NCAM2: variants seen among roughly 807,000 people sequenced by gnomAD.
NCAM2 encodes N-CAM-2.
A neutral mutation model predicts 98.1 loss-of-function variants in NCAM2; 30 were observed. The observed-to-expected ratio is 0.31, with a 90% CI of 0.23 to 0.41. The LOEUF (loss-of-function observed/expected upper bound fraction) is 0.41. Among genes scored for constraint, NCAM2 ranks in the 10% least tolerant of loss-of-function variants. The pLI is 1.00. For missense variants in NCAM2, 867 were observed against 1,005.8 expected (o/e 0.86, Z 1.87); for synonymous variants, 368 against 342.4 (o/e 1.07, Z -0.83).
intron 1 of NCAM2, among the ~76,000 whole-genome samples, chr21:21,008,770 T>G (rs974161152): frequency 5.3e-5 from 8 of 152,160 alleles, no homozygotes; most frequent in Admixed American, 2.0e-4. Context: ...TAATTGGAGA[T>G]CTACCTTTTG....
intron 5 of NCAM2, among the ~76,000 whole-genome samples, chr21:21,310,011 A>T (rs572926620): frequency 9.9e-5 from 15 of 152,278 alleles, no homozygotes; most frequent in African/African-American, 3.6e-4. Flanking sequence ...ATTTTTAGAT[A>T]TATGTTTCAG....
At chr21:21,519,881 C>G (rs1343416925) in intron 16 of NCAM2, among the ~76,000 whole-genome samples, 1 of 151,924 alleles carries the variant, frequency 6.6e-6, no homozygotes, top group Non-Finnish European at 1.5e-5. Flanking sequence ...AAACTTATGA[C>G]TATGATGATT....
At chr21:21,419,081 G>A (rs2077052279) in intron 11 of NCAM2, among the ~76,000 whole-genome samples, 1 of 151,874 alleles carries the variant, frequency 6.6e-6, no homozygotes, top group South Asian at 2.1e-4. Flanking sequence ...CCAAAAAGTG[G>A]GTGTCATGTA....
At position 21,452,758 on chromosome 21, in the gene NCAM2, A is replaced by G. The variant is rs1325163503; in HGVS notation, c.1655-13848A>G. ...TAATATATATAATATATAATATATT[A>G]CTTTATGTATTAAAATATAGTATTA... On this transcript the variant is annotated intron_variant, in intron 12 of 17. Transcript: ENST00000400546. 4.8e-5 allele frequency among the ~76,000 whole-genome samples: 5 copies of G among 104,960 alleles called. No homozygotes were observed. The Admixed American group carries it at 6.6e-4, about 14-fold the overall frequency. 68.9% of individuals were successfully genotyped at this position (104,960 alleles called of 152,430 possible).
At chr21:21,214,708 A>AT in intron 1 of NCAM2, among the ~76,000 whole-genome samples, 1 of 122,396 alleles carries the variant, frequency 8.2e-6, no homozygotes, top group Admixed American at 9.7e-5. Context: ...CAGGGGGAGT[A>AT]AATATATATA....
intron 1 of NCAM2, among the ~76,000 whole-genome samples, chr21:21,110,585 T>C (rs1445442935): frequency 6.6e-6 from 1 of 150,664 alleles, no homozygotes; most frequent in Non-Finnish European, 1.5e-5. Flanking sequence ...AAATAACTCA[T>C]ACAAGGCATT....
At chr21:21,218,480 A>C (rs1483024760) in intron 1 of NCAM2, among the ~76,000 whole-genome samples, 1 of 152,186 alleles carries the variant, frequency 6.6e-6, no homozygotes, top group Non-Finnish European at 1.5e-5. Flanking sequence ...TATGTCAAAA[A>C]ATAATTAAGA....
intron 1 of NCAM2, among the ~76,000 whole-genome samples, chr21:21,278,570 C>T (rs1243523717): frequency 1.3e-5 from 2 of 151,994 alleles, no homozygotes; most frequent in African/African-American, 4.8e-5. Context: ...CTTTCTGAAA[C>T]GTTAGATATA....
chr21:21,432,432 A>G (rs942956328), intron 12 of NCAM2, 151 bp downstream of exon 12: 2 of 671,900 alleles, frequency 3.0e-6, no homozygotes, highest in Non-Finnish European at 4.9e-6. Context: ...CTTCTTGATA[A>G]TAACTCGAAT....
At position 21,008,991 on chromosome 21, in the gene NCAM2, C is replaced by T. The variant is rs149275186; in HGVS notation, c.55+10373C>T. On this transcript the variant is annotated intron_variant, in intron 1 of 17. Transcript: ENST00000400546. Reference sequence around the variant, plus strand: ...ACCTGAATTCTGCACTTCAAACTTACGGTACTTTACTGTGACCTTCCATGT... The same window carrying T: ...ACCTGAATTCTGCACTTCAAACTTATGGTACTTTACTGTGACCTTCCATGT... 3.7e-3 allele frequency among the ~76,000 whole-genome samples: 568 copies of T among 152,244 alleles called. 4 individuals are homozygous for T. Among genetic ancestry groups the T allele is most frequent in the African/African-American group, 0.013 (543 of 41,560 alleles).
intron 1 of NCAM2, among the ~76,000 whole-genome samples, chr21:21,141,971 A>G (rs1399410582): frequency 2.0e-5 from 3 of 152,338 alleles, no homozygotes; most frequent in African/African-American, 7.2e-5. Context: ...GAAAGATGAT[A>G]GATAGAGATA....
intron 1 of NCAM2, among the ~76,000 whole-genome samples, chr21:21,156,822 C>T (rs1323359728): frequency 6.6e-6 from 1 of 151,946 alleles, no homozygotes; most frequent in Non-Finnish European, 1.5e-5. Flanking sequence ...TAATGTATCT[C>T]GCAACAAAGA....
chr21:21,226,972 A>ACTATTAC (rs2070408413), intron 1 of NCAM2: 1 of 152,044 alleles, frequency 6.6e-6, no homozygotes, highest in Non-Finnish European at 1.5e-5. Context: ...ATTTATAATA[A>ACTATTAC]GAACTATTAG....
At position 21,168,733 on chromosome 21, in the gene NCAM2, A is replaced by C. The variant is rs73334346; in HGVS notation, c.56-111845A>C. ...AAATGAAATATTAGAGTATAAATCT[A>C]AAAAAGTCTAAGAGCCATATGAAGA... On this transcript the variant is annotated intron_variant, in intron 1 of 17. Coordinates refer to ENST00000400546, the MANE Select transcript of NCAM2 (RefSeq NM_004540.5). Among the ~76,000 whole-genome samples, 615 of 152,282 alleles carry C rather than the reference A, an allele frequency of 4.0e-3. 10 individuals carry two copies. Among genetic ancestry groups the C allele is most frequent in the African/African-American group, 0.014 (591 of 41,564 alleles).
chr21:21,415,876 T>C (rs2076984494), intron 10 of NCAM2, among the ~76,000 whole-genome samples: 1 of 152,218 alleles, frequency 6.6e-6, no homozygotes, highest in African/African-American at 2.4e-5. Flanking sequence ...GGCTTTGTCT[T>C]CTATCCAGGC....
At position 21,002,131 on chromosome 21, in the gene NCAM2, C is replaced by T. The variant is rs563803449; in HGVS notation, c.55+3513C>T. On this transcript the variant is annotated intron_variant, in intron 1 of 17. Coordinates refer to ENST00000400546, the MANE Select transcript of NCAM2 (RefSeq NM_004540.5). ...ACTTGGGGAAGATGTAATGTAAAGG[C>T]TAATGTAAATTAATATCTTTATTGT... is the stretch of plus-strand genomic sequence containing the variant. Among the ~76,000 whole-genome samples, 16 of 152,210 alleles carry T rather than the reference C, an allele frequency of 1.1e-4. No individual in the cohort carries two copies. In the East Asian group the frequency reaches 3.1e-3, roughly 29 times the overall value.
At chr21:21,527,862 G>T (rs930686011) in intron 16 of NCAM2, among the ~76,000 whole-genome samples, 1 of 152,188 alleles carries the variant, frequency 6.6e-6, no homozygotes, top group Admixed American at 6.5e-5. Context: ...ACCCAAAGAA[G>T]TTGAAAGTGT....
At chr21:21,410,567 A>C (rs2076836549) in intron 10 of NCAM2, 106 bp downstream of exon 10, 2 of 584,208 alleles carry the variant, frequency 3.4e-6, no homozygotes, top group African/African-American at 3.9e-5. Flanking sequence ...ATAATAAGAG[A>C]GAGAAATCAT....
In NCAM2 at chr21:21,418,508, T is replaced by C. The variant is rs1376275432; in HGVS notation, c.1419T>C (p.Tyr473=). The C allele has an allele frequency of 1.2e-6, 2 of 1,612,390 alleles. No individual in the cohort carries two copies. The highest frequency in any genetic ancestry group is 3.3e-5 in the Admixed American group (2 of 60,002). ...CATCTGACAATGACTTTGGACGCTA[T>C]AATTGCACAGCCACTAATCATATAG... ...APTSDNDFGR[Y]NCTATNHIGT... is the part of the protein sequence containing the mutation. Residue 473 remains tyrosine (Y), a synonymous_variant, in exon 11 of 18, where the codon TAT becomes TAC. Transcript: ENST00000400546.
Sources: allele counts gnomAD v4.1 joint callset (sites outside exome capture counted in the v4.1 genomes callset), GRCh38; gene constraint gnomAD v4.1.1; transcripts MANE v1.5; gene names NCBI Gene and HGNC (gene_info 2026-07-23, HGNC 2026-07-21).